Variants in PRICKLE2 observed in about 807,000 individuals in gnomAD.
PRICKLE2 encodes prickle-like protein 2.
In PRICKLE2, 21 loss-of-function variants were observed where a neutral mutation model predicts 81.4. The ratio of observed to expected loss-of-function variants is 0.26; its 90% CI spans 0.18 to 0.37. The LOEUF (loss-of-function observed/expected upper bound fraction) is 0.37. PRICKLE2 is among the 10% of genes least tolerant of loss of function. The pLI, the probability that PRICKLE2 is intolerant of heterozygous loss-of-function variation, is 1.00. For synonymous variants in PRICKLE2, 456 were observed against 421.5 expected (o/e 1.08, Z -1.00); for missense variants, 940 against 1,109.0 (o/e 0.85, Z 2.16).
chr3:64,194,431 T>G (rs776184706), intron 2 of PRICKLE2: 1 of 152,148 alleles, frequency 6.6e-6, no homozygotes, highest in Non-Finnish European at 1.5e-5. Flanking sequence ...ATCCTCCTAT[T>G]CCCCAGGAAC....
rs1217081566 is a variant in PRICKLE2, at chr3:64,148,708, T to C, written c.788-1006A>G. Among the ~76,000 whole-genome samples the C allele has an allele frequency of 3.7e-4, 56 of 152,194 alleles. 1 individual carries two copies. Among genetic ancestry groups the C allele is most frequent in the Admixed American group, 3.7e-3 (56 of 15,286 alleles). ...CTCATGAATGAGATTAGTGCCCTTA[T>C]AACAGAGGCCCAAGGGAGCCTGTTT... On this transcript the variant is annotated intron_variant, in intron 6 of 7. Transcript: ENST00000638394.
chr3:64,188,930 G>T lies in PRICKLE2; in HGVS notation c.144+9854C>A, dbSNP rs79846405. On this transcript the variant is annotated intron_variant, in intron 2 of 7. Coordinates refer to ENST00000638394, the MANE Select transcript of PRICKLE2 (RefSeq NM_198859.4). Reference sequence around the variant, plus strand: ...TCATATCACCCTTTCTTATTGCTTTGTTAATAGACGTCGGTCTCTGAATGT... The same window carrying T: ...TCATATCACCCTTTCTTATTGCTTTTTTAATAGACGTCGGTCTCTGAATGT... Among the ~76,000 whole-genome samples the T allele has an allele frequency of 1.7e-4, 26 of 152,222 alleles. No homozygotes were observed. The East Asian group carries it at 5.0e-3, about 29-fold the overall frequency.
intron 2 of PRICKLE2, among the ~76,000 whole-genome samples, chr3:64,187,845 C>A (rs563517714): frequency 6.6e-6 from 1 of 152,206 alleles, no homozygotes; most frequent in African/African-American, 2.4e-5. Flanking sequence ...GGCACTGTGG[C>A]CCCAGCCGGG....
chr3:64,149,694 A>T (rs377202978), intron 6 of PRICKLE2, among the ~76,000 whole-genome samples: 12 of 152,196 alleles, frequency 7.9e-5, no homozygotes, highest in African/African-American at 2.4e-4. Flanking sequence ...GAAATTAGGG[A>T]GAAGAAGAGA....
At chr3:64,244,371 G>A (rs1186406325) in intron 2 of PRICKLE2, among the ~76,000 whole-genome samples, 1 of 152,132 alleles carries the variant, frequency 6.6e-6, no homozygotes, top group Non-Finnish European at 1.5e-5. Flanking sequence ...TATAAGATGA[G>A]CTAACTGGCA....
chr3:64,222,180 A>C (rs1330925133), intron 1 of PRICKLE2, among the ~76,000 whole-genome samples: 3 of 152,208 alleles, frequency 2.0e-5, no homozygotes, highest in African/African-American at 7.2e-5. Flanking sequence ...TCCAATATTC[A>C]TATGAGGAAG....
At chr3:64,191,722 G>C (rs896625221) in intron 2 of PRICKLE2, among the ~76,000 whole-genome samples, 4 of 152,202 alleles carry the variant, frequency 2.6e-5, no homozygotes, top group Non-Finnish European at 5.9e-5. Flanking sequence ...AGGAAACTGA[G>C]GGTCCCAGAG....
At chr3:64,164,958 T>A (rs922991712) in intron 2 of PRICKLE2, among the ~76,000 whole-genome samples, 3 of 152,112 alleles carry the variant, frequency 2.0e-5, no homozygotes, top group African/African-American at 7.2e-5. Context: ...GCACGCCCAG[T>A]CTCATGTCTT....
intron 1 of PRICKLE2, among the ~76,000 whole-genome samples, chr3:64,210,731 CCCTTTTAAAAATA>C (rs1206461215): frequency 6.6e-6 from 1 of 152,164 alleles, no homozygotes; most frequent in Non-Finnish European, 1.5e-5. Flanking sequence ...GAAATTCCTT[CCCTTTTAAAAATA>C]AGCCTCCTGG....
At chr3:64,184,397 C>T (rs896991874) in intron 2 of PRICKLE2, among the ~76,000 whole-genome samples, 24 of 152,188 alleles carry the variant, frequency 1.6e-4, no homozygotes. Context: ...AATTACTGTG[C>T]TTGAGAAAGA....
At chr3:64,161,995 T>C (rs1411545594) in intron 3 of PRICKLE2, among the ~76,000 whole-genome samples, 1 of 152,208 alleles carries the variant, frequency 6.6e-6, no homozygotes, top group Non-Finnish European at 1.5e-5. Context: ...CATAGCTCTC[T>C]TTTTAGGGAA....
intron 3 of PRICKLE2, 85 bp from the exon 4 acceptor site, chr3:64,160,162 A>G: frequency 2.8e-6 from 4 of 1,439,036 alleles, no homozygotes; most frequent in Non-Finnish European, 3.9e-6. Context: ...TTTTCTCGTT[A>G]AATACACTCT....
intron 2 of PRICKLE2, among the ~76,000 whole-genome samples, chr3:64,180,408 TC>T: frequency 6.6e-6 from 1 of 152,318 alleles, no homozygotes; most frequent in South Asian, 2.1e-4. Context: ...ACGATCCTTC[TC>T]CAGAACTTCT....
At chr3:64,167,945 A>T (rs2077863189) in intron 2 of PRICKLE2, among the ~76,000 whole-genome samples, 1 of 152,156 alleles carries the variant, frequency 6.6e-6, no homozygotes, top group Non-Finnish European at 1.5e-5. Context: ...TTCCCTCAAC[A>T]ACCAACATTA....
At chr3:64,140,875 T>C (rs543573061) in intron 7 of PRICKLE2, among the ~76,000 whole-genome samples, 3 of 152,240 alleles carry the variant, frequency 2.0e-5, no homozygotes, top group Non-Finnish European at 2.9e-5. Context: ...GGAGAGAAAA[T>C]GCCTATCCCT....
intron 1 of PRICKLE2, among the ~76,000 whole-genome samples, chr3:64,206,527 C>T (rs980903169): frequency 2.0e-5 from 3 of 152,214 alleles, no homozygotes; most frequent in African/African-American, 7.2e-5. Flanking sequence ...AAAGGCAAGA[C>T]TACATCAGAC....
intron 2 of PRICKLE2, among the ~76,000 whole-genome samples, chr3:64,258,671 A>C (rs184656612): frequency 9.8e-4 from 148 of 151,546 alleles, no homozygotes; most frequent in Non-Finnish European, 1.9e-3. Flanking sequence ...AAAAGAAAAA[A>C]AAAATAGCCA....
intron 7 of PRICKLE2, among the ~76,000 whole-genome samples, chr3:64,119,415 T>C (rs2076991490): frequency 6.6e-6 from 1 of 152,070 alleles, no homozygotes; most frequent in Admixed American, 6.6e-5. Flanking sequence ...AAGACACTTC[T>C]CAAAAGAACA....
intron 2 of PRICKLE2, among the ~76,000 whole-genome samples, chr3:64,262,805 C>T (rs1439600345): frequency 1.3e-5 from 2 of 152,142 alleles, no homozygotes; most frequent in Non-Finnish European, 2.9e-5. Context: ...TTTAACCCTC[C>T]CTAAAACTCC....
Sources: gnomAD v4.1 joint callset for allele counts (sites outside exome capture counted in the v4.1 genomes callset) on GRCh38, gnomAD v4.1.1 for gene constraint, MANE v1.5 for transcripts, NCBI Gene and HGNC (gene_info 2026-07-23, HGNC 2026-07-21) for gene names.